The following CTBP1 variants were observed in gnomAD, a reference collection of about 807,000 sequenced individuals.
The protein encoded by CTBP1 is C-terminal-binding protein 1.
In CTBP1, 11 loss-of-function variants were observed where a neutral mutation model predicts 42.1. The observed-to-expected ratio is 0.26, with a 90% CI of 0.16 to 0.43. CTBP1 has a LOEUF of 0.43. Ranked by LOEUF, CTBP1 falls within the 20% of genes least tolerant of loss-of-function variation. CTBP1 has a pLI of 1.00. For synonymous variants in CTBP1, 324 were observed against 277.1 expected, an observed-to-expected ratio of 1.17 and a Z score of -1.68; for missense variants, 399 against 624.3, an observed-to-expected ratio of 0.64 and a Z score of 3.85.
intron 4 of CTBP1, among the ~76,000 whole-genome samples, chr4:1,227,699 C>A (rs115837454): frequency 6.7e-6 from 1 of 150,232 alleles, no homozygotes; most frequent in Non-Finnish European, 1.5e-5. Context: ...TGCACATGCA[C>A]GGATGCAGAT....
At chr4:1,242,693 A>G (rs1732302774) in intron 1 of CTBP1, 3 of 985,286 alleles carry the variant, frequency 3.0e-6, no homozygotes, top group Non-Finnish European at 3.6e-6. Context: ...CAAGAGCAAC[A>G]CTGTGGAGCG....
intron 4 of CTBP1, among the ~76,000 whole-genome samples, chr4:1,227,174 ACG>A (rs1384547282): frequency 6.6e-6 from 1 of 152,056 alleles, no homozygotes; most frequent in African/African-American, 2.4e-5. Context: ...GTGTAGGTGC[ACG>A]GGTGCAGACG....
intron 3 of CTBP1, among the ~76,000 whole-genome samples, chr4:1,231,491 G>A (rs916219548): frequency 1.3e-5 from 2 of 152,174 alleles, no homozygotes; most frequent in African/African-American, 4.8e-5. Flanking sequence ...CAGGAAGCTC[G>A]GCTGCCACCG....
At chr4:1,213,326 C>G in intron 8 of CTBP1, 152 bp downstream of exon 8, 1 of 1,286,520 alleles carries the variant, frequency 7.8e-7, no homozygotes, top group Non-Finnish European at 1.1e-6. Flanking sequence ...TTGACTTTGG[C>G]CTTAGAGGTC....
At chr4:1,230,343 C>T (rs1730835820) in intron 3 of CTBP1, among the ~76,000 whole-genome samples, 1 of 152,200 alleles carries the variant, frequency 6.6e-6, no homozygotes. Flanking sequence ...GAGATGGGCG[C>T]CCACACACCA....
At chr4:1,229,788 AG>A (rs2108761456) in intron 3 of CTBP1, among the ~76,000 whole-genome samples, 1 of 152,282 alleles carries the variant, frequency 6.6e-6, no homozygotes, top group South Asian at 2.1e-4. Context: ...CCTCCAGCTT[AG>A]CCAGAACAGA....
At chr4:1,226,861 C>T (rs1026683724) in intron 4 of CTBP1, among the ~76,000 whole-genome samples, 5 of 151,774 alleles carry the variant, frequency 3.3e-5, no homozygotes, top group African/African-American at 1.2e-4. Context: ...AGGAGACCCC[C>T]AGATGGAGGC....
Position 1,215,752 on chromosome 4 carries a change from G to C in CTBP1, c.729+239C>G, listed in dbSNP as rs1395355989. ...GCTTCAGGGGAATTTGGTGTTCAAA[G>C]GTATGAGGTTCTGTCTTGTCCAGAG... On this transcript the variant is annotated intron_variant, in intron 6 of 9. Transcript: ENST00000382952. 3 of 572,106 alleles carry C rather than the reference G, an allele frequency of 5.2e-6. No homozygotes were observed. In the African/African-American group the frequency reaches 5.6e-5, roughly 11 times the overall value. 35.4% of individuals were successfully genotyped at this position (572,106 alleles called of 1,614,324 possible). A position where few individuals can be genotyped will look rare whatever the true frequency, so the allele number is the denominator to read the frequency against.
intron 9 of CTBP1, 25 bp from the exon 10 acceptor site, chr4:1,212,448 A>C: frequency 1.4e-6 from 2 of 1,416,026 alleles, no homozygotes; most frequent in Non-Finnish European, 1.8e-6. Context: ...TCCATCCGTG[A>C]GGCCCACCTG....
intron 4 of CTBP1, among the ~76,000 whole-genome samples, chr4:1,226,354 G>A (rs1412234607): frequency 6.6e-6 from 1 of 152,134 alleles, no homozygotes; most frequent in Non-Finnish European, 1.5e-5. Context: ...CTGGGGAGGA[G>A]GAGGGGGCAG....
Position 1,238,234 on chromosome 4 carries a change from C to T in CTBP1, c.111G>A (p.Val37=). The change falls in exon 3 of 10, where the codon GTG becomes GTA. Residue 37 remains valine, a synonymous_variant. Coordinates refer to ENST00000382952, the MANE Select transcript of CTBP1 (RefSeq NM_001012614.2). The surrounding 1 kb of genome is among the most constrained non-coding windows in gnomAD (Gnocchi z 5.9). The part of the protein sequence containing the change: ...CTVEMPILKD[V]ATVAFCDAQS... ...GCGCGTCGCAGAAGGCCACAGTGGC[C>T]ACGTCCTTCAGGATGGGCATCTCCA... is the stretch of plus-strand genomic sequence containing the variant. The T allele has an allele frequency of 6.2e-7, 1 of 1,612,792 alleles. No individual in the cohort carries two copies. The highest frequency in any genetic ancestry group is 8.5e-7 in the Non-Finnish European group (1 of 1,179,738).
At chr4:1,243,615 G>A in intron 1 of CTBP1, 1 of 985,450 alleles carries the variant, frequency 1.0e-6, no homozygotes, top group Non-Finnish European at 1.2e-6. Flanking sequence ...GCCCCACTGA[G>A]AGCCAGTGTC....
chr4:1,214,234 G>A (rs1463847990), intron 7 of CTBP1, 109 bp downstream of exon 7: 4 of 1,344,494 alleles, frequency 3.0e-6, no homozygotes, highest in Non-Finnish European at 1.9e-6. Flanking sequence ...CCAGCGAGAG[G>A]CCTGAGTACA....
chr4:1,226,569 G>T lies in CTBP1; in HGVS notation c.308-1003C>A, dbSNP rs377018731. On this transcript the variant is annotated intron_variant, in intron 4 of 9. Transcript: ENST00000382952. Reference sequence around the variant, plus strand: ...CCAAGCCAGGCGCCACACGAGATTGGAACAAAGACCTCCTGAGGGTGGGCC... The same window carrying T: ...CCAAGCCAGGCGCCACACGAGATTGTAACAAAGACCTCCTGAGGGTGGGCC... Among the ~76,000 whole-genome samples the T allele has an allele frequency of 1.1e-4, 17 of 150,418 alleles. No individual in the cohort carries two copies. In the East Asian group the frequency reaches 3.3e-3, roughly 29 times the overall value.
At chr4:1,226,218 C>T (rs1367501911) in intron 4 of CTBP1, among the ~76,000 whole-genome samples, 2 of 152,188 alleles carry the variant, frequency 1.3e-5, no homozygotes, top group Admixed American at 1.3e-4. Flanking sequence ...CTTCCCCAGC[C>T]AGTGCCCCTC....
In CTBP1 at chr4:1,213,107, G is replaced by A. The variant is rs768690903; in HGVS notation, c.989-77C>T. On this transcript the variant is annotated intron_variant, in intron 8 of 9. Coordinates refer to ENST00000382952, the MANE Select transcript of CTBP1 (RefSeq NM_001012614.2). ...GCGTGGCCCACTGGGTTGAAGACAC[G>A]GGCAGCAGGATTCTTGGCAGTGTGC... The A allele has an allele frequency of 2.5e-4, 301 of 1,227,556 alleles. 1 individual carries two copies. The highest frequency in any genetic ancestry group is 3.4e-4 in the Non-Finnish European group (290 of 845,340). The allele number at this position is 1,227,556 out of a possible 1,614,324, so 76.0% of individuals were successfully genotyped here.
At chr4:1,225,322 C>T in intron 5 of CTBP1, 38 bp downstream of exon 5, 1 of 1,519,706 alleles carries the variant, frequency 6.6e-7, no homozygotes, top group Non-Finnish European at 8.8e-7. Context: ...GCGCCAGACA[C>T]AGGGAGGGAC....
At chr4:1,229,043 G>A (rs1026574276) in intron 3 of CTBP1, among the ~76,000 whole-genome samples, 1 of 152,166 alleles carries the variant, frequency 6.6e-6, no homozygotes, top group Non-Finnish European at 1.5e-5. Context: ...CAGCTCCCGC[G>A]AACAAAGACC....
intron 1 of CTBP1, chr4:1,243,836 AACTC>A: frequency 1.0e-6 from 1 of 985,268 alleles, no homozygotes; most frequent in Non-Finnish European, 1.2e-6. Flanking sequence ...CCTCATCAAA[AACTC>A]ACAGCCGCAC....
Sources: gnomAD v4.1 joint callset for allele counts (sites outside exome capture counted in the v4.1 genomes callset) on GRCh38, gnomAD v4.1.1 for gene constraint, Gnocchi (gnomAD v3.1) non-coding constraint, MANE v1.5 for transcripts, NCBI Gene and HGNC (gene_info 2026-07-23, HGNC 2026-07-21) for gene names.